The following APPBP2 variants were observed in gnomAD, a reference collection of about 807,000 sequenced individuals.
APPBP2 encodes the protein amyloid protein-binding protein 2.
Under a neutral mutation model 76.0 loss-of-function variants are expected in APPBP2, and 15 were observed. The observed-to-expected ratio is 0.20, with a 90% CI of 0.13 to 0.30. The LOEUF is 0.30. APPBP2 is among the 10% of genes least tolerant of loss of function. The pLI, the probability that APPBP2 is intolerant of heterozygous loss-of-function variation, is 1.00. For missense variants in APPBP2, 401 were observed against 687.2 expected (o/e 0.58, Z 4.66); for synonymous variants, 222 against 242.2 (o/e 0.92, Z 0.77).
intron 4 of APPBP2, among the ~76,000 whole-genome samples, chr17:60,474,989 G>A (rs888493909): frequency 1.3e-5 from 2 of 151,964 alleles, no homozygotes; most frequent in South Asian, 2.1e-4. Flanking sequence ...CAGCACTTTG[G>A]GGGGCCAGGG....
rs141577023 is a variant in APPBP2, at chr17:60,487,338, C to T, written c.379+7128G>A. Reference sequence around the variant, plus strand: ...GTCACTTTCGGGTACACCAATCAAACGTAGATTTGGTATTTTCACATAGTC... The same window carrying T: ...GTCACTTTCGGGTACACCAATCAAATGTAGATTTGGTATTTTCACATAGTC... On this transcript the variant is annotated intron_variant, in intron 3 of 12. Transcript: ENST00000083182. 1.7e-4 allele frequency among the ~76,000 whole-genome samples: 26 copies of T among 152,258 alleles called. No homozygotes were observed. In the East Asian group the frequency reaches 4.6e-3, roughly 27 times the overall value.
At chr17:60,499,972 T>C (rs2090808851) in intron 2 of APPBP2, among the ~76,000 whole-genome samples, 1 of 151,768 alleles carries the variant, frequency 6.6e-6, no homozygotes, top group Non-Finnish European at 1.5e-5. Context: ...TAAAAAGTTC[T>C]GGAAATGAAT....
At chr17:60,453,359 T>C (rs1228529631) in intron 11 of APPBP2, among the ~76,000 whole-genome samples, 2 of 151,604 alleles carry the variant, frequency 1.3e-5, no homozygotes. Context: ...AATTTTTGTA[T>C]TTTTAGTAGA....
chr17:60,489,300 ACT>A (rs1219908589), intron 3 of APPBP2, among the ~76,000 whole-genome samples: 5 of 149,030 alleles, frequency 3.4e-5, no homozygotes, highest in African/African-American at 1.2e-4. Context: ...GTCTTTGGCT[ACT>A]ACAAAGAATT....
intron 4 of APPBP2, among the ~76,000 whole-genome samples, chr17:60,472,714 G>C (rs1038279853): frequency 1.3e-5 from 2 of 152,184 alleles, no homozygotes; most frequent in African/African-American, 4.8e-5. Flanking sequence ...GGTACACAAA[G>C]AATTAGCAGA....
intron 3 of APPBP2, among the ~76,000 whole-genome samples, chr17:60,479,564 T>C (rs1411923461): frequency 1.3e-5 from 2 of 152,172 alleles, no homozygotes; most frequent in Non-Finnish European, 2.9e-5. Flanking sequence ...TAAATTATTT[T>C]ACTATTTTCA....
chr17:60,480,633 T>C (rs2090621479), intron 3 of APPBP2, among the ~76,000 whole-genome samples: 1 of 152,130 alleles, frequency 6.6e-6, no homozygotes, highest in South Asian at 2.1e-4. Flanking sequence ...AGCAGAATAA[T>C]GAGATTATTC....
chr17:60,456,198 GA>G, intron 10 of APPBP2, 97 bp downstream of exon 10: 2 of 869,728 alleles, frequency 2.3e-6, no homozygotes, highest in Non-Finnish European at 3.7e-6. Context: ...AATCCTGTGA[GA>G]AAATCCTCCA....
chr17:60,479,447 C>T (rs915879031), intron 3 of APPBP2, among the ~76,000 whole-genome samples, 176 bp from the exon 4 acceptor site: 3 of 152,138 alleles, frequency 2.0e-5, no homozygotes, highest in African/African-American at 4.8e-5. Context: ...TTTTGAACTA[C>T]GGGAAGGAGG....
intron 3 of APPBP2, among the ~76,000 whole-genome samples, chr17:60,483,815 C>G (rs2090650861): frequency 6.6e-6 from 1 of 152,186 alleles, no homozygotes; most frequent in Admixed American, 6.5e-5. Context: ...GTGCCTATGT[C>G]CTGAATGGTA....
chr17:60,460,896 T>G (rs1021779274), intron 8 of APPBP2, 109 bp from the exon 9 acceptor site: 2 of 1,126,274 alleles, frequency 1.8e-6, no homozygotes, highest in African/African-American at 3.1e-5. Context: ...CCATAAAATT[T>G]TGAAGCCCAG....
At chr17:60,511,246 T>C (rs1312948130) in intron 1 of APPBP2, among the ~76,000 whole-genome samples, 1 of 152,154 alleles carries the variant, frequency 6.6e-6, no homozygotes, top group Non-Finnish European at 1.5e-5. Context: ...GTGGTGAAAA[T>C]CGGAAGTGTT....
At position 60,446,217 on chromosome 17, in the gene APPBP2, G is replaced by A. The variant is rs1217135150; in HGVS notation, c.*1364C>T. On this transcript the variant is annotated 3_prime_UTR_variant, in exon 13 of 13. Transcript: ENST00000083182. ...TAGAAGCATCAGATGGGCTACTACAGTAAGAATTGAGGTAACAGCAAAATA... is the reference window on the plus strand; with the variant it reads ...TAGAAGCATCAGATGGGCTACTACAATAAGAATTGAGGTAACAGCAAAATA... 4.6e-5 allele frequency: 7 copies of A among 152,560 alleles called. No individual in the cohort carries two copies. The allele number at this position is 152,560 out of a possible 1,614,324, so 9.5% of individuals were successfully genotyped here. A position where few individuals can be genotyped will look rare whatever the true frequency, so the allele number is the denominator to read the frequency against.
chr17:60,509,374 G>A (rs564531365), intron 1 of APPBP2, among the ~76,000 whole-genome samples: 56 of 148,982 alleles, frequency 3.8e-4, no homozygotes, highest in African/African-American at 1.2e-3. Flanking sequence ...GCGAGACTCC[G>A]TCTCAAAAAA....
intron 1 of APPBP2, among the ~76,000 whole-genome samples, chr17:60,506,432 A>G (rs1382787222): frequency 6.6e-6 from 1 of 152,206 alleles, no homozygotes; most frequent in African/African-American, 2.4e-5. Context: ...CACTGGTAAC[A>G]TGATTCTTTG....
intron 6 of APPBP2, among the ~76,000 whole-genome samples, chr17:60,462,872 C>A (rs2143323631): frequency 6.6e-6 from 1 of 151,180 alleles, no homozygotes; most frequent in South Asian, 2.1e-4. Context: ...ATGATGTGAA[C>A]CCTGGGGGGC....
At chr17:60,478,313 T>A (rs2090605500) in intron 4 of APPBP2, among the ~76,000 whole-genome samples, 2 of 152,156 alleles carry the variant, frequency 1.3e-5, no homozygotes, top group Non-Finnish European at 2.9e-5. Flanking sequence ...AAGGTAAATG[T>A]AACATGCAGA....
intron 3 of APPBP2, among the ~76,000 whole-genome samples, chr17:60,483,131 G>T (rs1016156692): frequency 2.0e-5 from 3 of 152,142 alleles, no homozygotes; most frequent in Admixed American, 2.0e-4. Flanking sequence ...TAACTGGTGT[G>T]AGATGGTATC....
At position 60,514,010 on chromosome 17, in the gene APPBP2, A is replaced by C. The variant is rs574184951; in HGVS notation, c.138+11784T>G. 4.5e-3 allele frequency among the ~76,000 whole-genome samples: 682 copies of C among 151,334 alleles called. 5 individuals are homozygous for C. The highest frequency in any genetic ancestry group is 0.012 in the African/African-American group (511 of 41,350). On this transcript the variant is annotated intron_variant, in intron 1 of 12. Coordinates refer to ENST00000083182, the MANE Select transcript of APPBP2 (RefSeq NM_006380.5). ...TTTTCCCCACATTAAAAAAAAAAAA[A>C]AAAAAAAAACACAGCCAGGCATGGT...
Sources: gnomAD v4.1 joint callset for allele counts (sites outside exome capture counted in the v4.1 genomes callset) on GRCh38, gnomAD v4.1.1 for gene constraint, MANE v1.5 for transcripts, NCBI Gene and HGNC (gene_info 2026-07-23, HGNC 2026-07-21) for gene names.